Variants in PTPRO observed in about 807,000 individuals in gnomAD.
The protein encoded by PTPRO is protein tyrosine phosphatase receptor type O.
In PTPRO, 62 loss-of-function variants were observed where a neutral mutation model predicts 145.2. The ratio of observed to expected loss-of-function variants is 0.43; its 90% confidence interval spans 0.35 to 0.53. The LOEUF (loss-of-function observed/expected upper bound fraction) is 0.53. PTPRO is among the 20% of genes least tolerant of loss of function. The pLI is 0.01. For synonymous variants in PTPRO, 565 were observed against 514.7 expected, an observed-to-expected ratio of 1.10 and a Z score of -1.32; for missense variants, 1,345 against 1,482.7, an observed-to-expected ratio of 0.91 and a Z score of 1.53.
chr12:15,442,887 G>C (rs1239815785), intron 1 of PTPRO, among the ~76,000 whole-genome samples: 1 of 151,798 alleles, frequency 6.6e-6, no homozygotes, highest in Admixed American at 6.6e-5. Context: ...CATTAAATTG[G>C]CCATGCTGCC....
Position 15,417,470 on chromosome 12 carries a change from G to T in PTPRO, c.76-66504G>T, listed in dbSNP as rs954788141. Among the ~76,000 whole-genome samples, 4 of 151,692 alleles carry T rather than the reference G, an allele frequency of 2.6e-5. 1 individual carries two copies. The highest frequency in any genetic ancestry group is 9.8e-5 in the African/African-American group (4 of 40,980). On this transcript the variant is annotated intron_variant, in intron 1 of 26. Transcript: ENST00000281171. Reference sequence around the variant, plus strand: ...AATAGCAAAAGAGTATATTGAGAATGATTGAATCAAATTTAACAAAACCTT... The same window carrying T: ...AATAGCAAAAGAGTATATTGAGAATTATTGAATCAAATTTAACAAAACCTT...
At chr12:15,528,101 C>A (rs879605606) in intron 12 of PTPRO, among the ~76,000 whole-genome samples, 1 of 151,948 alleles carries the variant, frequency 6.6e-6, no homozygotes, top group Non-Finnish European at 1.5e-5. Flanking sequence ...AAAAACACAT[C>A]ACAGCAGAAT....
In PTPRO at chr12:15,578,880, C is replaced by CCA; in HGVS notation, c.2861_2862dup (p.Phe955ThrfsTer8). The CCA allele has an allele frequency of 6.2e-7, 1 of 1,605,662 alleles. No homozygotes were observed. The highest frequency in any genetic ancestry group is 8.5e-7 in the Non-Finnish European group (1 of 1,172,310). ...GTTGAAATTGATTGGACTGGATATC[C>CCA]CACACTTTGCTGCAGATCTTCCACT... On this transcript the variant is annotated frameshift_variant, in exon 20 of 27. Coordinates refer to ENST00000281171, the MANE Select transcript of PTPRO (RefSeq NM_030667.3). LOFTEE classifies it high-confidence loss of function.
chr12:15,334,265 T>G (rs896423644), intron 1 of PTPRO, among the ~76,000 whole-genome samples: 9 of 152,222 alleles, frequency 5.9e-5, no homozygotes, highest in African/African-American at 1.9e-4. Flanking sequence ...AAAAATGACT[T>G]TTTGAAAATG....
At chr12:15,511,988 C>T (rs1221551804) in intron 7 of PTPRO, among the ~76,000 whole-genome samples, 2 of 152,078 alleles carry the variant, frequency 1.3e-5, no homozygotes, top group Non-Finnish European at 2.9e-5. Context: ...CTCCTTATGC[C>T]CTTTATTATT....
At chr12:15,385,168 A>G (rs1692480627) in intron 1 of PTPRO, among the ~76,000 whole-genome samples, 1 of 152,228 alleles carries the variant, frequency 6.6e-6, no homozygotes, top group South Asian at 2.1e-4. Flanking sequence ...CTTGAAATTC[A>G]TTTTATTTCA....
At chr12:15,373,542 G>C (rs1938593275) in intron 1 of PTPRO, among the ~76,000 whole-genome samples, 2 of 152,154 alleles carry the variant, frequency 1.3e-5, no homozygotes, top group Admixed American at 1.3e-4. Flanking sequence ...TTGAATGTAA[G>C]ATATCATCAA....
In PTPRO at chr12:15,435,511, G is replaced by A. The variant is rs1182854294; in HGVS notation, c.76-48463G>A. Among the ~76,000 whole-genome samples the A allele has an allele frequency of 1.3e-5, 2 of 151,506 alleles. 1 individual carries two copies. Among genetic ancestry groups the A allele is most frequent in the Non-Finnish European group, 2.9e-5 (2 of 67,916 alleles). On this transcript the variant is annotated intron_variant, in intron 1 of 26. Transcript: ENST00000281171. ...TAAATCTGTTGTTCTTTTGGCATTT[G>A]GGCTAAGGTTGGCTAAATTATCTTA...
At chr12:15,565,877 C>T (rs1000923012) in intron 18 of PTPRO, among the ~76,000 whole-genome samples, 4 of 152,056 alleles carry the variant, frequency 2.6e-5, no homozygotes, top group Non-Finnish European at 4.4e-5. Context: ...GAGAGTGGAT[C>T]GTTAGCAATT....
rs77999714 is a variant in PTPRO, at chr12:15,329,660, T to C, written c.75+6859T>C. On this transcript the variant is annotated intron_variant, in intron 1 of 26. Coordinates refer to ENST00000281171, the MANE Select transcript of PTPRO (RefSeq NM_030667.3). ...GTTAATCAAACATCCATTAAGCATC[T>C]AATATGTGCCAGGAATTTTACTAGA... Among the ~76,000 whole-genome samples the C allele has an allele frequency of 8.5e-4, 129 of 152,306 alleles. 3 individuals are homozygous for C. In the East Asian group the frequency reaches 0.024, roughly 29 times the overall value.
At chr12:15,431,874 A>G (rs774409938) in intron 1 of PTPRO, among the ~76,000 whole-genome samples, 25 of 152,290 alleles carry the variant, frequency 1.6e-4, no homozygotes, top group Admixed American at 3.9e-4. Context: ...CTCATACCAT[A>G]TTCATACTGC....
intron 19 of PTPRO, among the ~76,000 whole-genome samples, chr12:15,570,668 G>A (rs542166866): frequency 2.0e-5 from 3 of 152,290 alleles, no homozygotes; most frequent in South Asian, 2.1e-4. Context: ...GAATGAGGAG[G>A]ATGGCATTTC....
intron 23 of PTPRO, among the ~76,000 whole-genome samples, chr12:15,584,758 C>A (rs1292913804): frequency 6.6e-6 from 1 of 151,914 alleles, no homozygotes; most frequent in African/African-American, 2.4e-5. Flanking sequence ...TTGTTTATAC[C>A]CTTCTTTATC....
chr12:15,413,960 C>T (rs1396729354), intron 1 of PTPRO, among the ~76,000 whole-genome samples: 1 of 151,990 alleles, frequency 6.6e-6, no homozygotes, highest in African/African-American at 2.4e-5. Flanking sequence ...ATATTGAAAA[C>T]TGAAGTTTAA....
At chr12:15,485,271 G>A (rs1463084473) in intron 2 of PTPRO, among the ~76,000 whole-genome samples, 1 of 151,972 alleles carries the variant, frequency 6.6e-6, no homozygotes, top group African/African-American at 2.4e-5. Context: ...CTAAAAATTA[G>A]GAATGGCATA....
intron 1 of PTPRO, among the ~76,000 whole-genome samples, chr12:15,358,927 A>G (rs1371403392): frequency 6.6e-6 from 1 of 152,244 alleles, no homozygotes; most frequent in Admixed American, 6.5e-5. Context: ...GCATTTTTAC[A>G]TCACTTTTGT....
At chr12:15,353,908 C>T (rs574490497) in intron 1 of PTPRO, among the ~76,000 whole-genome samples, 1 of 152,326 alleles carries the variant, frequency 6.6e-6, no homozygotes, top group Non-Finnish European at 1.5e-5. Context: ...AGGAATGCTT[C>T]AGGGTCTTCA....
At chr12:15,487,369 C>T (rs1591645234) in intron 2 of PTPRO, among the ~76,000 whole-genome samples, 1 of 152,118 alleles carries the variant, frequency 6.6e-6, no homozygotes, top group South Asian at 2.1e-4. Flanking sequence ...AGAGTTTCTG[C>T]TCCTCTCCCA....
chr12:15,340,754 G>A (rs1434095262), intron 1 of PTPRO, among the ~76,000 whole-genome samples: 1 of 152,142 alleles, frequency 6.6e-6, no homozygotes, highest in Admixed American at 6.6e-5. Flanking sequence ...CCTGGCTTTA[G>A]AAGCCTGTAT....
Sources: gnomAD v4.1 joint callset for allele counts (sites outside exome capture counted in the v4.1 genomes callset) on GRCh38, gnomAD v4.1.1 for gene constraint, MANE v1.5 for transcripts, NCBI Gene and HGNC (gene_info 2026-07-23, HGNC 2026-07-21) for gene names.